The following RBFOX1 variants were observed in gnomAD, a reference collection of about 807,000 sequenced individuals.
RBFOX1 encodes RNA binding protein fox-1 homolog 1.
Under a neutral mutation model 57.7 loss-of-function variants are expected in RBFOX1, and 8 were observed. That is an observed-to-expected ratio of 0.14 (90% CI 0.08 to 0.25). The LOEUF is 0.25. Ranked by LOEUF, RBFOX1 falls within the 10% of genes least tolerant of loss-of-function variation. RBFOX1 has a pLI of 1.00. For synonymous variants in RBFOX1, 326 were observed against 222.4 expected (o/e 1.47, Z -4.15); for missense variants, 611 against 548.5 (o/e 1.11, Z -1.14).
At chr16:7,131,782 C>T (rs2070482577) in intron 4 of RBFOX1, among the ~76,000 whole-genome samples, 1 of 151,870 alleles carries the variant, frequency 6.6e-6, no homozygotes, top group Non-Finnish European at 1.5e-5. Flanking sequence ...TGATTTGGGG[C>T]CTGTGAATAG....
At chr16:6,944,591 C>T (rs186843537) in intron 3 of RBFOX1, among the ~76,000 whole-genome samples, 8 of 151,938 alleles carry the variant, frequency 5.3e-5, no homozygotes, top group Non-Finnish European at 1.2e-4. Context: ...GACTGGGTCT[C>T]GTAGATCTCA....
intron 3 of RBFOX1, among the ~76,000 whole-genome samples, chr16:5,796,308 A>G (rs746576441): frequency 2.2e-4 from 34 of 152,248 alleles, no homozygotes; most frequent in South Asian, 4.1e-4. Context: ...GTTATGGGAA[A>G]GAGGCAGTTT....
At chr16:7,694,095 A>G (rs2078040842) in intron 14 of RBFOX1, among the ~76,000 whole-genome samples, 1 of 152,188 alleles carries the variant, frequency 6.6e-6, no homozygotes, top group South Asian at 2.1e-4. Flanking sequence ...AAATGCCAAG[A>G]TAGGTGAATG....
At chr16:6,117,129 G>T (rs1379649581) in intron 1 of RBFOX1, among the ~76,000 whole-genome samples, 1 of 152,160 alleles carries the variant, frequency 6.6e-6, no homozygotes, top group African/African-American at 2.4e-5. Context: ...AGGCTGAGAT[G>T]CTGAGTTCCA....
chr16:5,840,350 C>G (rs1010120947), intron 3 of RBFOX1, among the ~76,000 whole-genome samples: 5 of 152,184 alleles, frequency 3.3e-5, no homozygotes, highest in South Asian at 2.1e-4. Context: ...AAAACAAAGC[C>G]ACACCCAGAG....
chr16:5,379,087 T>C (rs2066065119), intron 1 of RBFOX1, among the ~76,000 whole-genome samples: 1 of 151,500 alleles, frequency 6.6e-6, no homozygotes, highest in Admixed American at 6.5e-5. Context: ...AAAACTGCAA[T>C]AACTTTTGCA....
At chr16:7,548,281 T>A (rs1392505809) in intron 5 of RBFOX1, among the ~76,000 whole-genome samples, 1 of 152,134 alleles carries the variant, frequency 6.6e-6, no homozygotes, top group East Asian at 1.9e-4. Flanking sequence ...ACGTGCCTCC[T>A]GAATAGCTGG....
At chr16:6,989,869 G>C (rs972345843) in intron 3 of RBFOX1, among the ~76,000 whole-genome samples, 2 of 151,946 alleles carry the variant, frequency 1.3e-5, no homozygotes, top group Admixed American at 1.3e-4. Flanking sequence ...GCCTGGTGAT[G>C]GGCACCGTAT....
At chr16:7,097,963 T>C (rs2061982815) in intron 4 of RBFOX1, among the ~76,000 whole-genome samples, 1 of 152,164 alleles carries the variant, frequency 6.6e-6, no homozygotes, top group Admixed American at 6.5e-5. Flanking sequence ...AACAGTTTAA[T>C]AATAGTGAGT....
At chr16:5,845,537 C>G (rs2056734502) in intron 3 of RBFOX1, among the ~76,000 whole-genome samples, 1 of 152,204 alleles carries the variant, frequency 6.6e-6, no homozygotes. Flanking sequence ...CCACTCTTAC[C>G]TGCACCTTGG....
chr16:5,509,079 A>G (rs745532234), intron 2 of RBFOX1, among the ~76,000 whole-genome samples: 28 of 152,200 alleles, frequency 1.8e-4, no homozygotes, highest in Non-Finnish European at 3.7e-4. Flanking sequence ...CTGGAAATAT[A>G]ACGTGGAGTG....
At chr16:5,316,779 G>A (rs1333631351) in intron 1 of RBFOX1, among the ~76,000 whole-genome samples, 2 of 152,170 alleles carry the variant, frequency 1.3e-5, no homozygotes, top group African/African-American at 4.8e-5. Context: ...AGGTGGTTTG[G>A]CATTCACTTA....
intron 4 of RBFOX1, among the ~76,000 whole-genome samples, chr16:7,378,932 G>C (rs1323856706): frequency 6.6e-6 from 1 of 152,198 alleles, no homozygotes; most frequent in African/African-American, 2.4e-5. Flanking sequence ...GACACAACAG[G>C]AGAGCACACA....
At chr16:5,653,897 A>G (rs2049334139) in intron 3 of RBFOX1, among the ~76,000 whole-genome samples, 1 of 152,180 alleles carries the variant, frequency 6.6e-6, no homozygotes, top group Admixed American at 6.5e-5. Flanking sequence ...CGGCCCCTGA[A>G]AGATGAGAGG....
At chr16:5,902,124 C>T (rs1291349532) in intron 4 of RBFOX1, among the ~76,000 whole-genome samples, 6 of 152,154 alleles carry the variant, frequency 3.9e-5, no homozygotes, top group African/African-American at 1.4e-4. Context: ...CTGTCAATTA[C>T]CCATTATTGT....
At chr16:5,330,007 C>T (rs1232136028) in intron 1 of RBFOX1, among the ~76,000 whole-genome samples, 5 of 149,138 alleles carry the variant, frequency 3.4e-5, no homozygotes, top group African/African-American at 4.9e-5. Context: ...AAAAAAAGAC[C>T]GATGCGGTGT....
chr16:7,114,840 A>T (rs13331885), intron 4 of RBFOX1, among the ~76,000 whole-genome samples: 1 of 152,024 alleles, frequency 6.6e-6, no homozygotes, highest in African/African-American at 2.4e-5. Context: ...CATGAAGCCA[A>T]ATCGTAAAGG....
chr16:5,849,479 G>A (rs1351905725), intron 3 of RBFOX1, among the ~76,000 whole-genome samples: 2 of 152,102 alleles, frequency 1.3e-5, no homozygotes, highest in Non-Finnish European at 2.9e-5. Flanking sequence ...GTTTCTCCCA[G>A]GGGTCATATC....
At chr16:5,939,529 C>T (rs1454916006) in intron 4 of RBFOX1, among the ~76,000 whole-genome samples, 4 of 152,156 alleles carry the variant, frequency 2.6e-5, no homozygotes, top group Non-Finnish European at 4.4e-5. Context: ...CACAACATGG[C>T]TGCTGGCCGC....
Sources: allele counts gnomAD v4.1 joint callset (sites outside exome capture counted in the v4.1 genomes callset), GRCh38; gene constraint gnomAD v4.1.1; transcripts MANE v1.5; gene names NCBI Gene and HGNC (gene_info 2026-07-23, HGNC 2026-07-21).